Variants in RPH3A observed in about 807,000 individuals in gnomAD.
RPH3A encodes rabphilin 3A, also known as rabphilin-3A.
Under a neutral mutation model 102.2 loss-of-function variants are expected in RPH3A, and 48 were observed. The ratio of observed to expected loss-of-function variants is 0.47; its 90% CI spans 0.37 to 0.60. The LOEUF is 0.60. RPH3A is among the 20% of genes least tolerant of loss of function. RPH3A has a pLI of 0.00. For synonymous variants in RPH3A, 310 were observed against 324.3 expected, an observed-to-expected ratio of 0.96 and a Z score of 0.47; for missense variants, 781 against 910.1, an observed-to-expected ratio of 0.86 and a Z score of 1.83.
At chr12:112,641,718 C>G (rs1350797480) in intron 1 of RPH3A, among the ~76,000 whole-genome samples, 1 of 152,138 alleles carries the variant, frequency 6.6e-6, no homozygotes, top group Admixed American at 6.5e-5. Context: ...ATCTTAATCT[C>G]AGAGAAGTGC....
rs555472324 is a variant in RPH3A at position 112,895,762 on chromosome 12, C to T, written c.1858-15C>T. ...AGAGGGCTCTTACCCACATGTCTTC[C>T]TCTGTTGTATTCAGGAGTTTTTCTA... On this transcript the variant is annotated splice_polypyrimidine_tract_variant and intron_variant, in intron 20 of 21. Transcript: ENST00000389385. 1.3e-6 allele frequency: 2 copies of T among 1,596,044 alleles called. No homozygotes were observed. Among genetic ancestry groups the T allele is most frequent in the African/African-American group, 2.7e-5 (2 of 74,672 alleles).
Position 112,772,814 on chromosome 12 carries a change from G to T in RPH3A, c.-139-19329G>T, listed in dbSNP as rs191146979. On this transcript the variant is annotated intron_variant, in intron 1 of 21. Transcript: ENST00000543106. ...AGTACGTTCTTTAGTGGTGATTTGT[G>T]AGATTTTGGTTCACTCATCTCCCGA... Among the ~76,000 whole-genome samples, 568 of 152,022 alleles carry T rather than the reference G, an allele frequency of 3.7e-3. 4 individuals are homozygous for T. The highest frequency in any genetic ancestry group is 0.013 in the African/African-American group (549 of 41,474).
chr12:112,610,335 T>C lies in RPH3A; in HGVS notation c.-140+35016T>C, dbSNP rs538285475. ...CTGGCTAACATGGTGAAACCCCGTC[T>C]CTACTAAAAATACAAAAATTAGCTT... On this transcript the variant is annotated intron_variant, in intron 1 of 21. Transcript: ENST00000543106. Among the ~76,000 whole-genome samples, 29 of 152,140 alleles carry C rather than the reference T, an allele frequency of 1.9e-4. 1 individual carries two copies. The East Asian group carries it at 5.7e-3, about 30-fold the overall frequency.
intron 1 of RPH3A, among the ~76,000 whole-genome samples, chr12:112,783,467 G>A (rs535826595): frequency 3.4e-4 from 52 of 152,210 alleles, no homozygotes; most frequent in South Asian, 3.1e-3. Context: ...CTCCTGTCAC[G>A]TTTTTCTATA....
chr12:112,891,861 G>A (rs2043101107), intron 19 of RPH3A, among the ~76,000 whole-genome samples: 1 of 152,216 alleles, frequency 6.6e-6, no homozygotes. Flanking sequence ...TGTAGCTGGA[G>A]GTCTGCCAGG....
At chr12:112,790,645 T>C (rs2041089322), upstream of RPH3A, among the ~76,000 whole-genome samples, 1 of 152,218 alleles carries the variant, frequency 6.6e-6, no homozygotes, top group African/African-American at 2.4e-5. Context: ...CTGGGAGCCA[T>C]GGGAATCCAT....
chr12:112,688,139 A>G (rs1371319770), intron 1 of RPH3A, among the ~76,000 whole-genome samples: 1 of 152,254 alleles, frequency 6.6e-6, no homozygotes, highest in East Asian at 1.9e-4. Context: ...TTGTTGAAAG[A>G]ACACAAAATC....
At position 112,826,302 on chromosome 12, in the gene RPH3A, G is replaced by T. The variant is rs149634954; in HGVS notation, c.-18-1999G>T. ...AAGGCCTTTGGGGCTGGGAAAGAGG[G>T]CGTGAGAAGAGTGGAAGGAAAAGAG... is the stretch of plus-strand genomic sequence containing the variant. On this transcript the variant is annotated intron_variant, in intron 2 of 21. Coordinates refer to ENST00000389385, the MANE Select transcript of RPH3A (RefSeq NM_001143854.2). Among the ~76,000 whole-genome samples the T allele has an allele frequency of 5.9e-5, 9 of 152,330 alleles. No homozygotes were observed. In the East Asian group the frequency reaches 1.5e-3, roughly 26 times the overall value.
intron 1 of RPH3A, among the ~76,000 whole-genome samples, chr12:112,644,747 C>T (rs1313535630): frequency 6.6e-6 from 1 of 152,220 alleles, no homozygotes; most frequent in Admixed American, 6.5e-5. Context: ...TCATCTTTAG[C>T]TGCCATGTAG....
intron 1 of RPH3A, among the ~76,000 whole-genome samples, chr12:112,732,150 G>A (rs1438423473): frequency 6.6e-6 from 1 of 152,158 alleles, no homozygotes; most frequent in Non-Finnish European, 1.5e-5. Flanking sequence ...TGGTGTCCTT[G>A]GTTCGTGGTG....
chr12:112,869,749 C>A lies in RPH3A; in HGVS notation c.611-10C>A, dbSNP rs1344600883. The A allele has an allele frequency of 2.5e-6, 4 of 1,614,146 alleles. No individual in the cohort carries two copies. The highest frequency in any genetic ancestry group is 3.4e-6 in the Non-Finnish European group (4 of 1,179,996). On this transcript the variant is annotated splice_polypyrimidine_tract_variant and intron_variant, in intron 8 of 21. Transcript: ENST00000389385. ...CAGTACTCCTCATAATTTGTGTTTT[C>A]TTTCTCCAGGTGACAGTGAAGATAG...
chr12:112,688,838 C>T (rs1433416269), intron 1 of RPH3A, among the ~76,000 whole-genome samples: 2 of 152,184 alleles, frequency 1.3e-5, no homozygotes, highest in Non-Finnish European at 2.9e-5. Context: ...TAGTGGAATG[C>T]CTTGAATACA....
At chr12:112,669,512 T>C (rs1032486727) in intron 1 of RPH3A, among the ~76,000 whole-genome samples, 1 of 152,190 alleles carries the variant, frequency 6.6e-6, no homozygotes, top group Non-Finnish European at 1.5e-5. Flanking sequence ...ACAAAGATAA[T>C]ACACATTTTC....
chr12:112,881,548 C>G (rs577983276), intron 14 of RPH3A, among the ~76,000 whole-genome samples: 1 of 152,306 alleles, frequency 6.6e-6, no homozygotes, highest in East Asian at 1.9e-4. Flanking sequence ...AGAAACTTGC[C>G]TAAGGTCACA....
intron 1 of RPH3A, among the ~76,000 whole-genome samples, chr12:112,743,784 AG>A (rs2040726164): frequency 6.6e-6 from 1 of 152,174 alleles, no homozygotes; most frequent in Non-Finnish European, 1.5e-5. Flanking sequence ...TTCCAGTAAG[AG>A]GAGGCTTTGG....
At chr12:112,722,998 G>A (rs1283009974) in intron 1 of RPH3A, among the ~76,000 whole-genome samples, 1 of 152,192 alleles carries the variant, frequency 6.6e-6, no homozygotes, top group East Asian at 1.9e-4. Flanking sequence ...GACACTAAGA[G>A]AAGAACTATG....
intron 1 of RPH3A, among the ~76,000 whole-genome samples, chr12:112,712,116 G>A (rs901861612): frequency 4.6e-5 from 7 of 152,124 alleles, no homozygotes; most frequent in Admixed American, 3.9e-4. Context: ...TCAGGGGTGA[G>A]CCACCATGCC....
chr12:112,880,265 T>C (rs1013458741), intron 14 of RPH3A, among the ~76,000 whole-genome samples: 1 of 152,236 alleles, frequency 6.6e-6, no homozygotes, highest in East Asian at 1.9e-4. Flanking sequence ...TCATCATTTA[T>C]TGGGCACCAA....
chr12:112,800,687 G>A (rs2041326857), intron 2 of RPH3A, among the ~76,000 whole-genome samples: 1 of 152,146 alleles, frequency 6.6e-6, no homozygotes, highest in Non-Finnish European at 1.5e-5. Context: ...GAATTCTGCG[G>A]GAGTGCAGAC....
Sources: allele counts gnomAD v4.1 joint callset (sites outside exome capture counted in the v4.1 genomes callset), GRCh38; gene constraint gnomAD v4.1.1; transcripts MANE v1.5; gene names NCBI Gene and HGNC (gene_info 2026-07-23, HGNC 2026-07-21).